Variants in SYN3 observed in about 807,000 individuals in gnomAD.
SYN3 encodes the protein synapsin-3.
SYN3 carries 35 observed loss-of-function variants against 65.8 expected under a neutral mutation model. That is an observed-to-expected ratio of 0.53 (90% CI 0.41 to 0.70). The LOEUF is 0.70. SYN3 is among the 30% of genes least tolerant of loss of function. SYN3 has a pLI of 0.00. For synonymous variants in SYN3, 270 were observed against 292.9 expected (o/e 0.92, Z 0.80); for missense variants, 680 against 749.0 (o/e 0.91, Z 1.08).
At chr22:33,008,996 A>G (rs2053279942) in intron 1 of SYN3, among the ~76,000 whole-genome samples, 1 of 150,792 alleles carries the variant, frequency 6.6e-6, no homozygotes, top group Non-Finnish European at 1.5e-5. Flanking sequence ...AAAAAAGAAA[A>G]AGAAAATCGG....
chr22:32,648,688 A>G (rs2060019034), intron 6 of SYN3, among the ~76,000 whole-genome samples: 1 of 152,242 alleles, frequency 6.6e-6, no homozygotes, highest in Non-Finnish European at 1.5e-5. Context: ...CAGTTTCATT[A>G]GCTGTAAAAT....
At chr22:32,588,626 T>C (rs1347178109) in intron 7 of SYN3, among the ~76,000 whole-genome samples, 2 of 152,198 alleles carry the variant, frequency 1.3e-5, no homozygotes, top group African/African-American at 4.8e-5. Flanking sequence ...AGGGAGATTA[T>C]TGTCCCTGTG....
intron 6 of SYN3, among the ~76,000 whole-genome samples, chr22:32,648,010 A>C (rs955905745): frequency 6.6e-6 from 1 of 152,066 alleles, no homozygotes; most frequent in Non-Finnish European, 1.5e-5. Context: ...AGTAGCTGAG[A>C]CTACAGACAC....
intron 4 of SYN3, among the ~76,000 whole-genome samples, chr22:32,884,862 C>T (rs558289493): frequency 3.3e-5 from 5 of 151,970 alleles, no homozygotes; most frequent in East Asian, 3.9e-4. Flanking sequence ...GGCGACAGAG[C>T]GAGACTGTCT....
chr22:32,747,886 G>A (rs1191043524), intron 6 of SYN3, among the ~76,000 whole-genome samples: 2 of 152,200 alleles, frequency 1.3e-5, no homozygotes, highest in Non-Finnish European at 2.9e-5. Context: ...GGTCAGTACA[G>A]GTACACTGGC....
chr22:33,039,114 C>T (rs866974910), intron 1 of SYN3, among the ~76,000 whole-genome samples: 6 of 152,284 alleles, frequency 3.9e-5, no homozygotes, highest in Middle Eastern at 3.4e-3. Context: ...CTCTGTGCAC[C>T]AGGCTCCTGG....
chr22:32,851,875 G>C (rs1481113404), intron 6 of SYN3, among the ~76,000 whole-genome samples: 1 of 152,152 alleles, frequency 6.6e-6, no homozygotes, highest in Non-Finnish European at 1.5e-5. Flanking sequence ...GAATCTGCTT[G>C]TCTCTAGGTA....
intron 4 of SYN3, among the ~76,000 whole-genome samples, chr22:32,898,523 C>T (rs1181483824): frequency 2.0e-5 from 3 of 152,216 alleles, no homozygotes; most frequent in Non-Finnish European, 4.4e-5. Context: ...TGCCCATTTA[C>T]TTCCAGCTCC....
At chr22:32,903,034 G>A (rs241886) in intron 4 of SYN3, among the ~76,000 whole-genome samples, 53,421 of 151,946 alleles carry the variant, frequency 0.35, 10,158 homozygotes, top group East Asian at 0.77. Context: ...TAAAAAACAC[G>A]CTCTCTACTG....
chr22:32,736,883 C>T lies in SYN3; in HGVS notation c.711+128032G>A, dbSNP rs149102979. On this transcript the variant is annotated intron_variant, in intron 6 of 13. Transcript: ENST00000358763. ...CAACCCCTTCCTTACTTGCCTGAAGCCTGTGTATTCTTCAAATGCTCTCCT... is the reference window on the plus strand; with the variant it reads ...CAACCCCTTCCTTACTTGCCTGAAGTCTGTGTATTCTTCAAATGCTCTCCT... 1.8e-3 allele frequency among the ~76,000 whole-genome samples: 278 copies of T among 152,274 alleles called. 1 individual carries two copies. The highest frequency in any genetic ancestry group is 6.3e-3 in the African/African-American group (261 of 41,552).
intron 7 of SYN3, among the ~76,000 whole-genome samples, chr22:32,546,973 C>A (rs1222388298): frequency 6.6e-6 from 1 of 151,248 alleles, no homozygotes. Context: ...CTCTCTTACT[C>A]TGTTTTGTTT....
intron 6 of SYN3, among the ~76,000 whole-genome samples, chr22:32,711,031 C>A (rs189272725): frequency 2.0e-5 from 3 of 152,310 alleles, no homozygotes; most frequent in African/African-American, 7.2e-5. Flanking sequence ...CCTTCCACAT[C>A]TCCAAAGGGA....
At chr22:32,676,620 T>G (rs1205240803) in intron 6 of SYN3, among the ~76,000 whole-genome samples, 2 of 130,500 alleles carry the variant, frequency 1.5e-5, no homozygotes, top group Non-Finnish European at 3.1e-5. Flanking sequence ...TCATGCAAAC[T>G]CCACCTCCTG....
chr22:32,514,906 C>T (rs1384987950), intron 13 of SYN3, among the ~76,000 whole-genome samples: 1 of 152,046 alleles, frequency 6.6e-6, no homozygotes, highest in Admixed American at 6.5e-5. Flanking sequence ...GTCCCAGCTA[C>T]GCGGGAGGCT....
At chr22:32,810,191 G>A (rs1390677641) in intron 6 of SYN3, among the ~76,000 whole-genome samples, 1 of 152,224 alleles carries the variant, frequency 6.6e-6, no homozygotes, top group Non-Finnish European at 1.5e-5. Flanking sequence ...TTTTTGTTCA[G>A]CTGTTAAAAA....
At chr22:32,614,647 G>A (rs1326356507) in intron 6 of SYN3, among the ~76,000 whole-genome samples, 1 of 152,130 alleles carries the variant, frequency 6.6e-6, no homozygotes, top group Non-Finnish European at 1.5e-5. Flanking sequence ...ACTGTGGGCA[G>A]GTCCCATTTC....
chr22:32,790,606 T>A (rs2046304074), intron 6 of SYN3, among the ~76,000 whole-genome samples: 1 of 152,066 alleles, frequency 6.6e-6, no homozygotes, highest in Non-Finnish European at 1.5e-5. Flanking sequence ...TTTGTATTTT[T>A]AGTAGAGACG....
intron 6 of SYN3, among the ~76,000 whole-genome samples, chr22:32,760,984 C>T (rs568084713): frequency 1.5e-3 from 228 of 152,324 alleles, no homozygotes; most frequent in Non-Finnish European, 2.9e-3. Context: ...TCCTCTCAAC[C>T]TCCCATTTCC....
At chr22:33,041,562 T>C (rs1761891229) in intron 1 of SYN3, among the ~76,000 whole-genome samples, 3 of 152,054 alleles carry the variant, frequency 2.0e-5, no homozygotes, top group African/African-American at 7.2e-5. Context: ...CCTCCCAAAG[T>C]GCTGGAATTA....
Sources: gnomAD v4.1 joint callset for allele counts (sites outside exome capture counted in the v4.1 genomes callset) on GRCh38, gnomAD v4.1.1 for gene constraint, MANE v1.5 for transcripts, NCBI Gene and HGNC (gene_info 2026-07-23, HGNC 2026-07-21) for gene names.